DIPK1A: variants seen among roughly 807,000 people sequenced by gnomAD.
The protein encoded by DIPK1A is family with sequence similarity 69 member A.
Under a neutral mutation model 40.8 loss-of-function variants are expected in DIPK1A, and 27 were observed. The ratio of observed to expected loss-of-function variants is 0.66; its 90% confidence interval spans 0.49 to 0.91. The LOEUF (loss-of-function observed/expected upper bound fraction) is 0.91. Ranked by LOEUF, DIPK1A falls within the 40% of genes least tolerant of loss-of-function variation. The pLI is 0.00. For missense variants in DIPK1A, 412 were observed against 505.7 expected, an observed-to-expected ratio of 0.81 and a Z score of 1.78; for synonymous variants, 166 against 171.3, an observed-to-expected ratio of 0.97 and a Z score of 0.24.
At chr1:92,841,711 A>G, downstream of DIPK1A, 1 of 1,079,216 alleles carries the variant, frequency 9.3e-7, no homozygotes, top group Non-Finnish European at 1.3e-6. Flanking sequence ...TTTAAATTAA[A>G]TATTCTATTC....
intron 1 of DIPK1A, among the ~76,000 whole-genome samples, chr1:92,958,136 C>T (rs1651923167): frequency 6.6e-6 from 1 of 152,162 alleles, no homozygotes; most frequent in Admixed American, 6.5e-5. Context: ...ATCTCTTCTG[C>T]TATATAAGCA....
intron 2 of DIPK1A, among the ~76,000 whole-genome samples, chr1:92,869,518 A>T (rs1323615006): frequency 6.6e-6 from 1 of 152,174 alleles, no homozygotes; most frequent in African/African-American, 2.4e-5. Context: ...CCAACTTTTG[A>T]AGAGAATAAA....
chr1:92,915,716 T>C (rs12060952), intron 1 of DIPK1A, among the ~76,000 whole-genome samples: 52,704 of 151,950 alleles, frequency 0.35, 9,605 homozygotes, highest in African/African-American at 0.37. Flanking sequence ...TTTGGCAGTT[T>C]CACAAAAAGG....
At chr1:92,841,953 A>C (rs976495198), downstream of DIPK1A, 6 of 1,089,076 alleles carry the variant, frequency 5.5e-6, no homozygotes, top group Admixed American at 2.3e-5. Context: ...ATTCTTATGA[A>C]CCTTATAGGA....
chr1:92,872,794 T>C (rs925783392), intron 2 of DIPK1A, among the ~76,000 whole-genome samples: 3 of 152,242 alleles, frequency 2.0e-5, no homozygotes, highest in South Asian at 2.1e-4. Context: ...TTGGTATTCA[T>C]TGGGGCTTCT....
At chr1:92,956,394 A>G in intron 1 of DIPK1A, among the ~76,000 whole-genome samples, 1 of 152,256 alleles carries the variant, frequency 6.6e-6, no homozygotes, top group East Asian at 1.9e-4. Context: ...AAAGCTAATC[A>G]TAGTTCTGGA....
chr1:92,906,065 T>C (rs1473788379), intron 1 of DIPK1A, among the ~76,000 whole-genome samples: 2 of 152,156 alleles, frequency 1.3e-5, no homozygotes, highest in African/African-American at 4.8e-5. Context: ...GTCATTCCTT[T>C]AGTTTTGTTC....
In DIPK1A at chr1:92,843,676, C is replaced by T; in HGVS notation, c.994G>A (p.Glu332Lys). The stretch of plus-strand genomic sequence containing the variant: ...CCATAGACACAGTCCAAATCAGACT[C>T]ACAGTGACGATCCTTAATAAGTTCT... ...LKELIKDRHCESDLDCVYGTD... is the reference protein window; with the variant it reads ...LKELIKDRHCKSDLDCVYGTD... Residue 332 changes from glutamate (E) to lysine (K), a missense_variant, in exon 5 of 5, where the codon GAG becomes AAG. Transcript: ENST00000370310. The T allele has an allele frequency of 1.9e-6, 3 of 1,551,756 alleles. No individual in the cohort carries two copies. The East Asian group carries it at 7.3e-5, about 38-fold the overall frequency.
At chr1:92,938,201 G>T (rs1231999903) in intron 1 of DIPK1A, among the ~76,000 whole-genome samples, 1 of 152,074 alleles carries the variant, frequency 6.6e-6, no homozygotes, top group Non-Finnish European at 1.5e-5. Context: ...AGGCATGGTG[G>T]TGCACACCTG....
intron 2 of DIPK1A, among the ~76,000 whole-genome samples, chr1:92,864,522 G>A (rs775716778): frequency 6.6e-6 from 1 of 152,122 alleles, no homozygotes; most frequent in Non-Finnish European, 1.5e-5. Flanking sequence ...TAAACAATAT[G>A]GTCCTGAGAA....
intron 4 of DIPK1A, chr1:92,835,011 G>A: frequency 6.5e-7 from 1 of 1,547,406 alleles, no homozygotes; most frequent in South Asian, 1.1e-5. Context: ...CTTAAGTTGT[G>A]CTTCAGGAGA....
chr1:92,908,599 C>G (rs1227859742), intron 1 of DIPK1A, among the ~76,000 whole-genome samples: 1 of 152,136 alleles, frequency 6.6e-6, no homozygotes, highest in Non-Finnish European at 1.5e-5. Context: ...TTAAAGACAA[C>G]CAGGTAGATA....
At position 92,842,217 on chromosome 1, in the gene DIPK1A, TTAAAG is replaced by T; in HGVS notation, c.*1161_*1165del. 1 of 999,260 alleles carries T rather than the reference TTAAAG, an allele frequency of 1.0e-6. No individual in the cohort carries two copies. The highest frequency in any genetic ancestry group is 1.2e-6 in the Non-Finnish European group (1 of 838,818). 61.9% of individuals were successfully genotyped at this position (999,260 alleles called of 1,614,324 possible). A position where few individuals can be genotyped will look rare whatever the true frequency, so the allele number is the denominator to read the frequency against. ...CCAGATGATGAATGGGAAAAGTACC[TTAAAG>T]TAAACAAAACTGGTGCTAATCCATG... On this transcript the variant is annotated 3_prime_UTR_variant, in exon 5 of 5. Coordinates refer to ENST00000370310, the MANE Select transcript of DIPK1A (RefSeq NM_001006605.5).
chr1:92,866,524 T>A (rs1326326533), intron 2 of DIPK1A, among the ~76,000 whole-genome samples: 1 of 152,248 alleles, frequency 6.6e-6, no homozygotes, highest in Non-Finnish European at 1.5e-5. Context: ...CTATTTACCG[T>A]ACAAACTAAA....
chr1:92,866,486 T>G (rs1284147505), intron 2 of DIPK1A, among the ~76,000 whole-genome samples: 1 of 152,250 alleles, frequency 6.6e-6, no homozygotes, highest in Non-Finnish European at 1.5e-5. Context: ...TCATAGATCC[T>G]TTCTTTCTTT....
intron 2 of DIPK1A, among the ~76,000 whole-genome samples, chr1:92,858,567 A>G (rs1688064089): frequency 6.6e-6 from 1 of 152,136 alleles, no homozygotes; most frequent in South Asian, 2.1e-4. Flanking sequence ...TTTCTATAAT[A>G]TTTAATACTT....
chr1:92,852,247 C>T (rs987705621), intron 2 of DIPK1A, among the ~76,000 whole-genome samples: 11 of 152,044 alleles, frequency 7.2e-5, no homozygotes, highest in African/African-American at 2.7e-4. Context: ...GCCTATAATC[C>T]CAGCACTTTG....
chr1:92,861,641 T>G (rs1489612257), intron 2 of DIPK1A, among the ~76,000 whole-genome samples: 2 of 152,022 alleles, frequency 1.3e-5, no homozygotes, highest in Non-Finnish European at 2.9e-5. Context: ...CTCATAACAG[T>G]TTTAACAATG....
chr1:92,841,115 G>A (rs549350547), downstream of DIPK1A, among the ~76,000 whole-genome samples: 1 of 152,138 alleles, frequency 6.6e-6, no homozygotes, highest in Non-Finnish European at 1.5e-5. Context: ...TCATCATGCT[G>A]TGCAATAGAA....
Sources: gnomAD v4.1 joint callset for allele counts (sites outside exome capture counted in the v4.1 genomes callset) on GRCh38, gnomAD v4.1.1 for gene constraint, MANE v1.5 for transcripts, NCBI Gene and HGNC (gene_info 2026-07-23, HGNC 2026-07-21) for gene names.